Variants in C12orf42 observed in about 807,000 individuals in gnomAD.
C12orf42 encodes the protein chromosome 12 open reading frame 42.
In C12orf42, 25 loss-of-function variants were observed where a neutral mutation model predicts 21.6. The ratio of observed to expected loss-of-function variants is 1.16; its 90% CI spans 0.84 to 1.62. The LOEUF (loss-of-function observed/expected upper bound fraction) is 1.62. C12orf42 is among the 40% of genes most tolerant of loss of function. C12orf42 has a pLI of 0.00. For missense variants in C12orf42, 483 were observed against 459.3 expected (o/e 1.05, Z -0.47); for synonymous variants, 174 against 175.0 (o/e 0.99, Z 0.05).
At chr12:103,362,577 C>A (rs1051055196) in intron 4 of C12orf42, among the ~76,000 whole-genome samples, 1 of 151,700 alleles carries the variant, frequency 6.6e-6, no homozygotes, top group Non-Finnish European at 1.5e-5. Context: ...AGGTGAAGTC[C>A]AATTTAAGGA....
chr12:103,457,161 A>ATTAT (rs1014231255), intron 2 of C12orf42, among the ~76,000 whole-genome samples: 3 of 152,252 alleles, frequency 2.0e-5, no homozygotes, highest in Non-Finnish European at 2.9e-5. Context: ...AAACACTGGA[A>ATTAT]TTATTTATTT....
the C12orf42 span, among the ~76,000 whole-genome samples, chr12:103,113,328 G>A: frequency 5.6e-4 from 85 of 152,250 alleles, 1 homozygote; most frequent in African/African-American, 1.9e-3. Context: ...AGCCCAAAGG[G>A]AAACAAATAT....
chr12:103,287,173 G>A (rs1302368045), intron 4 of C12orf42, among the ~76,000 whole-genome samples: 1 of 152,174 alleles, frequency 6.6e-6, no homozygotes, highest in Non-Finnish European at 1.5e-5. Flanking sequence ...GGAACTAGAA[G>A]TACCATTTGA....
intron 2 of C12orf42, among the ~76,000 whole-genome samples, chr12:103,409,151 A>G (rs988484910): frequency 6.6e-6 from 1 of 152,230 alleles, no homozygotes; most frequent in African/African-American, 2.4e-5. Context: ...CTTTTCTTTG[A>G]GGAACAAAAG....
chr12:103,134,304 T>C, the C12orf42 span, among the ~76,000 whole-genome samples: 1 of 152,036 alleles, frequency 6.6e-6, no homozygotes, highest in African/African-American at 2.4e-5. Context: ...GTTTAAAATA[T>C]TGATATTAAA....
chr12:103,530,636 A>G, the C12orf42 span, among the ~76,000 whole-genome samples: 3 of 150,870 alleles, frequency 2.0e-5, no homozygotes, highest in East Asian at 5.9e-4. Flanking sequence ...CGGGGGGGGA[A>G]AACCCACACC....
At chr12:103,372,925 C>T (rs1406305351) in intron 3 of C12orf42, among the ~76,000 whole-genome samples, 1 of 152,124 alleles carries the variant, frequency 6.6e-6, no homozygotes, top group Admixed American at 6.6e-5. Flanking sequence ...ATTCAAACTG[C>T]ACCTTTCATC....
At chr12:103,368,860 C>G (rs12317808) in intron 4 of C12orf42, 27 bp downstream of exon 4, 130,543 of 1,235,350 alleles carry the variant, frequency 0.11, 9,123 homozygotes, top group African/African-American at 0.34. Context: ...AAACTCTGGT[C>G]TGTCTTGGGA....
downstream of C12orf42, among the ~76,000 whole-genome samples, chr12:103,300,201 C>T (rs527301786): frequency 2.9e-4 from 44 of 152,176 alleles, no homozygotes; most frequent in Non-Finnish European, 5.9e-4. Context: ...TGTTTACACA[C>T]ACACAAATCT....
chr12:103,341,604 C>T (rs1566112014), intron 4 of C12orf42, among the ~76,000 whole-genome samples: 1 of 152,024 alleles, frequency 6.6e-6, no homozygotes, highest in East Asian at 1.9e-4. Flanking sequence ...CAAATGAATG[C>T]AAATAAGATG....
chr12:103,401,769 G>T, intron 2 of C12orf42, 94 bp from the exon 3 acceptor site: 1 of 1,180,494 alleles, frequency 8.5e-7, no homozygotes, highest in Non-Finnish European at 1.2e-6. Flanking sequence ...CAGATCAGAA[G>T]CTAATTCTTT....
intron 2 of C12orf42, among the ~76,000 whole-genome samples, chr12:103,407,649 A>T (rs918434980): frequency 2.0e-5 from 3 of 152,218 alleles, no homozygotes; most frequent in Non-Finnish European, 1.5e-5. Context: ...TGTCAACAGT[A>T]GGCTATTAAT....
intron 4 of C12orf42, among the ~76,000 whole-genome samples, chr12:103,334,442 G>A (rs1364312373): frequency 6.6e-6 from 1 of 152,012 alleles, no homozygotes; most frequent in Admixed American, 6.5e-5. Context: ...CCAAAACCAA[G>A]GAATCTCTTT....
At chr12:103,159,911 C>T in the C12orf42 span, among the ~76,000 whole-genome samples, 1 of 152,288 alleles carries the variant, frequency 6.6e-6, no homozygotes, top group East Asian at 1.9e-4. Context: ...GGTCAACTGA[C>T]TATTCAATAG....
chr12:103,280,493 C>A (rs1566015170), intron 4 of C12orf42, among the ~76,000 whole-genome samples: 1 of 152,008 alleles, frequency 6.6e-6, no homozygotes, highest in Non-Finnish European at 1.5e-5. Context: ...GTAGCATGCA[C>A]CTGTAATCTC....
rs572946708 is a variant in C12orf42, at chr12:103,439,285, G to T, written c.79-37610C>A. On this transcript the variant is annotated intron_variant, in intron 2 of 5. Transcript: ENST00000548883. ...AGATGGATTAAAGACTTAAACGTTAGACATAAAACCATAAAACCCTAGAAG... is the reference window on the plus strand; with the variant it reads ...AGATGGATTAAAGACTTAAACGTTATACATAAAACCATAAAACCCTAGAAG... Among the ~76,000 whole-genome samples the T allele has an allele frequency of 4.6e-5, 7 of 152,180 alleles. No individual in the cohort carries two copies. In the South Asian group the frequency reaches 1.4e-3, roughly 32 times the overall value.
chr12:103,224,058 G>A, the C12orf42 span, among the ~76,000 whole-genome samples: 3 of 152,110 alleles, frequency 2.0e-5, no homozygotes, highest in African/African-American at 7.2e-5. Context: ...GAGGAATTAT[G>A]TCTGACAGAA....
chr12:103,050,219 G>GGTGTGTGT, the C12orf42 span, among the ~76,000 whole-genome samples: 104 of 148,750 alleles, frequency 7.0e-4, no homozygotes, highest in African/African-American at 2.3e-3. Context: ...TTTTCTCACA[G>GGTGTGTGT]GTGTGTGTGT....
At chr12:103,420,844 A>G (rs1207170123) in intron 2 of C12orf42, among the ~76,000 whole-genome samples, 1 of 152,138 alleles carries the variant, frequency 6.6e-6, no homozygotes, top group Non-Finnish European at 1.5e-5. Context: ...CACTATACAC[A>G]TTGTAGATTG....
Sources: gnomAD v4.1 joint callset for allele counts (sites outside exome capture counted in the v4.1 genomes callset) on GRCh38, gnomAD v4.1.1 for gene constraint, MANE v1.5 for transcripts, NCBI Gene and HGNC (gene_info 2026-07-23, HGNC 2026-07-21) for gene names.